The following MLIP variants were observed in gnomAD, a reference collection of about 807,000 sequenced individuals.
The protein encoded by MLIP is muscular LMNA-interacting protein.
A neutral mutation model predicts 84.8 loss-of-function variants in MLIP; 79 were observed. The observed-to-expected ratio is 0.93, with a 90% CI of 0.78 to 1.12. The LOEUF is 1.12. Ranked by LOEUF, MLIP falls within the 50% of genes most tolerant of loss-of-function variation. The pLI, the probability that MLIP is intolerant of heterozygous loss-of-function variation, is 0.00. For synonymous variants in MLIP, 504 were observed against 463.0 expected (o/e 1.09, Z -1.14); for missense variants, 1,257 against 1,160.6 (o/e 1.08, Z -1.21).
chr6:54,053,981 CAG>C (rs1173522206), intron 1 of MLIP, among the ~76,000 whole-genome samples: 1 of 152,132 alleles, frequency 6.6e-6, no homozygotes, highest in African/African-American at 2.4e-5. Flanking sequence ...AAGCATAATT[CAG>C]AGTTTAGATT....
At chr6:54,058,030 C>T (rs559060980) in intron 1 of MLIP, 9 of 152,170 alleles carry the variant, frequency 5.9e-5, no homozygotes, top group South Asian at 2.1e-4. Context: ...TTATAGTAGT[C>T]GGACTTTCTA....
chr6:54,219,482 G>A (rs1469490370), intron 11 of MLIP, among the ~76,000 whole-genome samples: 4 of 149,992 alleles, frequency 2.7e-5, no homozygotes, highest in Non-Finnish European at 5.9e-5. Flanking sequence ...TTAATCTATG[G>A]GACCACCAAT....
intron 1 of MLIP, among the ~76,000 whole-genome samples, chr6:54,114,806 T>C (rs985132332): frequency 2.6e-5 from 4 of 152,142 alleles, no homozygotes; most frequent in Non-Finnish European, 4.4e-5. Flanking sequence ...TAATACCTCA[T>C]TGAATAAATG....
At chr6:54,127,153 T>C (rs1225634395) in intron 3 of MLIP, among the ~76,000 whole-genome samples, 2 of 152,304 alleles carry the variant, frequency 1.3e-5, no homozygotes, top group South Asian at 2.1e-4. Flanking sequence ...CTCTTAAAGA[T>C]GTTCCCTTTG....
At position 54,137,949 on chromosome 6, in the gene MLIP, C is replaced by A; in HGVS notation, c.1880C>A (p.Ala627Glu). Residue 627 changes from alanine to glutamate, a missense_variant, in exon 4 of 14, where the codon GCA (alanine) becomes GAA (glutamate). Transcript: ENST00000502396. ...LSSLINRSKR[A>E]SSQLSGQELN... is the part of the protein sequence containing the mutation. ...AGCCTGATAAACAGATCTAAAAGAGCATCATCCCAACTATCTGGCCAGGAG... is the reference window on the plus strand; with the variant it reads ...AGCCTGATAAACAGATCTAAAAGAGAATCATCCCAACTATCTGGCCAGGAG... 6.5e-7 allele frequency: 1 copy of A among 1,536,096 alleles called. No homozygotes were observed. Among genetic ancestry groups the A allele is most frequent in the Middle Eastern group, 1.7e-4 (1 of 5,990 alleles).
intron 13 of MLIP, 104 bp downstream of exon 13, chr6:54,257,465 CAAAA>C (rs1254877269): frequency 2.4e-6 from 2 of 821,286 alleles, no homozygotes; most frequent in African/African-American, 1.7e-5. Flanking sequence ...GCTTTTATAA[CAAAA>C]GAAAGAATTA....
intron 3 of MLIP, among the ~76,000 whole-genome samples, chr6:54,131,075 G>T (rs1771335694): frequency 6.6e-6 from 1 of 152,206 alleles, no homozygotes; most frequent in Non-Finnish European, 1.5e-5. Context: ...GGGTGGAGAA[G>T]AAATCTGTTA....
Position 54,160,543 on chromosome 6 carries a change from C to A in MLIP, c.2383C>A (p.Gln795Lys), listed in dbSNP as rs1774516923. The change falls in exon 7 of 14, where the codon CAA becomes AAA. Residue 795 changes from glutamine to lysine, a missense_variant. Gln to Lys is a moderately conservative substitution (Grantham distance 53, BLOSUM62 1). Coordinates refer to ENST00000502396, the MANE Select transcript of MLIP (RefSeq NM_001281747.2). ...ELYFPAQLRQ[Q>K]TEELCATIDK... ...CTATTTTCCTGCACAGCTCAGGCAG[C>A]AAACTGAAGAGCTCTGTGCTACCAT... The A allele has an allele frequency of 1.2e-6, 2 of 1,612,536 alleles. No individual in the cohort carries two copies. The highest frequency in any genetic ancestry group is 1.7e-6 in the Non-Finnish European group (2 of 1,179,126).
chr6:54,180,263 T>G (rs1397798329), intron 9 of MLIP, among the ~76,000 whole-genome samples: 1 of 152,174 alleles, frequency 6.6e-6, no homozygotes, highest in Non-Finnish European at 1.5e-5. Flanking sequence ...TATCCTTTAC[T>G]TTTGGGAACT....
chr6:54,079,065 A>G (rs1766979251), intron 1 of MLIP, among the ~76,000 whole-genome samples: 2 of 152,174 alleles, frequency 1.3e-5, no homozygotes, highest in Admixed American at 6.5e-5. Context: ...AAATATCCTA[A>G]ATATTTGAAG....
chr6:54,251,295 C>T (rs1366841351), intron 12 of MLIP, among the ~76,000 whole-genome samples: 2 of 150,978 alleles, frequency 1.3e-5, no homozygotes, highest in African/African-American at 4.9e-5. Context: ...GAATCTCAGG[C>T]CCCTCTCCAC....
At chr6:54,241,350 A>G (rs1442747175) in intron 12 of MLIP, among the ~76,000 whole-genome samples, 1 of 151,894 alleles carries the variant, frequency 6.6e-6, no homozygotes, top group Non-Finnish European at 1.5e-5. Flanking sequence ...CCTATCTAGT[A>G]TATTAGCTTA....
At chr6:54,176,405 T>G (rs1355847306) in intron 9 of MLIP, among the ~76,000 whole-genome samples, 2 of 152,062 alleles carry the variant, frequency 1.3e-5, no homozygotes, top group African/African-American at 4.8e-5. Flanking sequence ...ATTACAACTT[T>G]GATTTCATTA....
At chr6:54,083,747 T>C in intron 1 of MLIP, 2 of 1,023,852 alleles carry the variant, frequency 2.0e-6, no homozygotes, top group Non-Finnish European at 2.9e-6. Context: ...TTAGGTGGCA[T>C]GGCTGTTTAT....
chr6:54,025,566 A>C (rs924119300), intron 1 of MLIP, among the ~76,000 whole-genome samples: 1 of 152,186 alleles, frequency 6.6e-6, no homozygotes, highest in African/African-American at 2.4e-5. Flanking sequence ...TTTTTTTGGC[A>C]TTACATCATT....
Position 54,136,627 on chromosome 6 carries a change from G to A in MLIP, c.646-88G>A, listed in dbSNP as rs1057421906. The A allele has an allele frequency of 3.2e-6, 4 of 1,254,042 alleles. No homozygotes were observed. The African/African-American group carries it at 6.0e-5, about 19-fold the overall frequency. 77.7% of individuals were successfully genotyped at this position (1,254,042 alleles called of 1,614,324 possible). A position where few individuals can be genotyped will look rare whatever the true frequency, so the allele number is the denominator to read the frequency against. On this transcript the variant is annotated intron_variant, in intron 3 of 13. Coordinates refer to ENST00000502396, the MANE Select transcript of MLIP (RefSeq NM_001281747.2). ...TAAGATGCCTCCTTTTGTGTAAATT[G>A]TTTGTATAATCGCACAAGTGACAAG...
rs533073112 is a variant in MLIP, at chr6:54,231,829, C to T, written c.2922+912C>T. ...TCCAGAATGTAGTTGGATAATACTT[C>T]TTGGAGCCTGAGGCATTTTTAAAGA... On this transcript the variant is annotated intron_variant, in intron 12 of 13. Transcript: ENST00000502396. Among the ~76,000 whole-genome samples the T allele has an allele frequency of 3.1e-4, 47 of 152,210 alleles. No individual in the cohort carries two copies. In the South Asian group the frequency reaches 8.7e-3, roughly 28 times the overall value.
chr6:54,057,227 C>T (rs1299488508), intron 1 of MLIP, among the ~76,000 whole-genome samples: 1 of 152,182 alleles, frequency 6.6e-6, no homozygotes, highest in Non-Finnish European at 1.5e-5. Context: ...TTCTAGCACA[C>T]AACACATAAC....
chr6:54,045,363 T>A (rs969314187), intron 1 of MLIP: 3 of 150,060 alleles, frequency 2.0e-5, no homozygotes, highest in African/African-American at 7.4e-5. Flanking sequence ...AAAAAAAAAT[T>A]CATGAGGAAT....
Sources: allele counts gnomAD v4.1 joint callset (sites outside exome capture counted in the v4.1 genomes callset), GRCh38; gene constraint gnomAD v4.1.1; transcripts MANE v1.5; gene names NCBI Gene and HGNC (gene_info 2026-07-23, HGNC 2026-07-21).